Variants in CDH20 observed in about 807,000 individuals in gnomAD.
CDH20 encodes the protein cadherin 20, also known as cadherin-20.
CDH20 carries 29 observed loss-of-function variants against 74.2 expected under a neutral mutation model. That is an observed-to-expected ratio of 0.39 (90% CI 0.29 to 0.53). CDH20 has a LOEUF of 0.53. CDH20 is among the 20% of genes least tolerant of loss of function. CDH20 has a pLI of 0.69. For synonymous variants in CDH20, 469 were observed against 405.4 expected, an observed-to-expected ratio of 1.16 and a Z score of -1.88; for missense variants, 988 against 1,048.3, an observed-to-expected ratio of 0.94 and a Z score of 0.79.
intron 1 of CDH20, among the ~76,000 whole-genome samples, chr18:61,463,679 C>T (rs1165339673): frequency 1.3e-5 from 2 of 151,996 alleles, no homozygotes; most frequent in Admixed American, 6.6e-5. Flanking sequence ...CCTCAAAAAC[C>T]ATTGACTTAC....
At chr18:61,457,529 T>G (rs1249339017) in intron 1 of CDH20, among the ~76,000 whole-genome samples, 1 of 152,156 alleles carries the variant, frequency 6.6e-6, no homozygotes, top group Non-Finnish European at 1.5e-5. Context: ...ATATGACTAC[T>G]TCTTCCTAGC....
chr18:61,357,508 C>T (rs1266158124), intron 1 of CDH20, among the ~76,000 whole-genome samples: 1 of 152,210 alleles, frequency 6.6e-6, no homozygotes, highest in Non-Finnish European at 1.5e-5. Flanking sequence ...CTCTGCTCTA[C>T]TTAGCATGTG....
chr18:61,424,061 C>T (rs1009305048), intron 1 of CDH20, among the ~76,000 whole-genome samples: 1 of 152,178 alleles, frequency 6.6e-6, no homozygotes, highest in African/African-American at 2.4e-5. Flanking sequence ...TGAGTATATG[C>T]AACAGTGTCT....
chr18:61,505,192 A>C (rs931982584), intron 5 of CDH20, among the ~76,000 whole-genome samples: 3 of 152,174 alleles, frequency 2.0e-5, no homozygotes, highest in Non-Finnish European at 4.4e-5. Flanking sequence ...CTAATTACAT[A>C]GCTCAGGTTA....
chr18:61,496,710 G>A (rs1477260410), intron 2 of CDH20, among the ~76,000 whole-genome samples: 1 of 152,172 alleles, frequency 6.6e-6, no homozygotes, highest in African/African-American at 2.4e-5. Context: ...AGTTTTATTT[G>A]ATAAATAGAG....
At chr18:61,433,620 C>G (rs1215407774) in intron 1 of CDH20, among the ~76,000 whole-genome samples, 2 of 152,148 alleles carry the variant, frequency 1.3e-5, no homozygotes, top group Non-Finnish European at 2.9e-5. Context: ...TATGTACATT[C>G]TGGGTCACGG....
At chr18:61,439,233 T>C (rs1908944081) in intron 1 of CDH20, among the ~76,000 whole-genome samples, 1 of 152,128 alleles carries the variant, frequency 6.6e-6, no homozygotes, top group Non-Finnish European at 1.5e-5. Flanking sequence ...AACCCATGCA[T>C]GTATACCCTA....
At chr18:61,525,964 A>ATTTTTTTTT in intron 6 of CDH20, among the ~76,000 whole-genome samples, 1 of 84,366 alleles carries the variant, frequency 1.2e-5, no homozygotes, top group Non-Finnish European at 2.2e-5. Flanking sequence ...CACCCAGCTA[A>ATTTTTTTTT]TTTTTTTTTT....
intron 4 of CDH20, among the ~76,000 whole-genome samples, chr18:61,501,700 T>C (rs1371140556): frequency 1.3e-5 from 2 of 151,930 alleles, no homozygotes; most frequent in East Asian, 3.9e-4. Flanking sequence ...GAGTGTAAAT[T>C]AGGAGGAGGA....
intron 1 of CDH20, among the ~76,000 whole-genome samples, chr18:61,466,170 G>A (rs1909955603): frequency 6.6e-6 from 1 of 150,832 alleles, no homozygotes; most frequent in South Asian, 2.1e-4. Context: ...TCTTTTTACT[G>A]TGTGAATAGT....
At chr18:61,369,178 G>A (rs1910952585) in intron 1 of CDH20, among the ~76,000 whole-genome samples, 1 of 152,050 alleles carries the variant, frequency 6.6e-6, no homozygotes, top group African/African-American at 2.4e-5. Flanking sequence ...ACAAAGTAGA[G>A]AAGGAAGACT....
intron 1 of CDH20, among the ~76,000 whole-genome samples, chr18:61,489,419 C>T (rs1307298764): frequency 1.3e-5 from 2 of 151,900 alleles, no homozygotes. Context: ...AATATTAAGC[C>T]GAAGGAAGAC....
rs34829043 is a variant in CDH20, at chr18:61,532,532, GTATA to G, written c.1272-3940_1272-3937del. Among the ~76,000 whole-genome samples, 191 of 145,508 alleles carry G rather than the reference GTATA, an allele frequency of 1.3e-3. 1 individual carries two copies. The highest frequency in any genetic ancestry group is 3.6e-3 in the Middle Eastern group (1 of 280). The stretch of plus-strand genomic sequence containing the variant: ...AACTGTATACATGTGTGTATTGTAT[GTATA>G]TATATATATATATATATATACACAC... On this transcript the variant is annotated intron_variant, in intron 7 of 11. Transcript: ENST00000262717.
At chr18:61,491,580 A>G (rs2144298699) in intron 2 of CDH20, among the ~76,000 whole-genome samples, 1 of 152,322 alleles carries the variant, frequency 6.6e-6, no homozygotes, top group Admixed American at 6.5e-5. Context: ...TTCTAGAGGA[A>G]CTTTGGACAG....
At chr18:61,459,616 G>A (rs1909698038) in intron 1 of CDH20, among the ~76,000 whole-genome samples, 1 of 152,112 alleles carries the variant, frequency 6.6e-6, no homozygotes, top group Non-Finnish European at 1.5e-5. Context: ...AGCAGTTGTT[G>A]GTACCACCTA....
At chr18:61,341,263 G>A (rs1042024909) in intron 1 of CDH20, among the ~76,000 whole-genome samples, 1 of 152,198 alleles carries the variant, frequency 6.6e-6, no homozygotes, top group Non-Finnish European at 1.5e-5. Flanking sequence ...TCCGTTTCTG[G>A]TGAGGGCCTT....
chr18:61,401,978 G>A (rs1912169816), intron 1 of CDH20, among the ~76,000 whole-genome samples: 1 of 152,134 alleles, frequency 6.6e-6, no homozygotes, highest in Admixed American at 6.6e-5. Context: ...ATAATAGGTT[G>A]GTTTATCAAA....
intron 1 of CDH20, among the ~76,000 whole-genome samples, chr18:61,347,460 C>G (rs1910165594): frequency 6.7e-6 from 1 of 150,234 alleles, no homozygotes; most frequent in African/African-American, 2.5e-5. Flanking sequence ...GTGGAGGTTG[C>G]AGTGAGCCAA....
chr18:61,450,377 C>G (rs1909341809), intron 1 of CDH20, among the ~76,000 whole-genome samples: 1 of 105,782 alleles, frequency 9.5e-6, no homozygotes, highest in Admixed American at 1.2e-4. Flanking sequence ...AGATGAAAGG[C>G]AAACCCCTTT....
Sources: allele counts gnomAD v4.1 joint callset (sites outside exome capture counted in the v4.1 genomes callset), GRCh38; gene constraint gnomAD v4.1.1; transcripts MANE v1.5; gene names NCBI Gene and HGNC (gene_info 2026-07-23, HGNC 2026-07-21).